Variants in NKAIN3 observed in about 807,000 individuals in gnomAD.
NKAIN3 encodes sodium/potassium transporting ATPase interacting 3.
In NKAIN3, 25 loss-of-function variants were observed where a neutral mutation model predicts 30.2. The ratio of observed to expected loss-of-function variants is 0.83; its 90% CI spans 0.60 to 1.16. The LOEUF is 1.16. Ranked by LOEUF, NKAIN3 falls within the 50% of genes most tolerant of loss-of-function variation. NKAIN3 has a pLI of 0.00. For missense variants in NKAIN3, 225 were observed against 254.1 expected (o/e 0.89, Z 0.78); for synonymous variants, 91 against 89.6 (o/e 1.02, Z -0.09).
At chr8:62,602,681 A>G (rs943673061) in intron 3 of NKAIN3, among the ~76,000 whole-genome samples, 2 of 152,070 alleles carry the variant, frequency 1.3e-5, no homozygotes, top group Admixed American at 6.6e-5. Flanking sequence ...AACAGGAGGT[A>G]GTGGGTCTTC....
chr8:62,300,086 C>T (rs192031201), intron 1 of NKAIN3, among the ~76,000 whole-genome samples: 2 of 151,840 alleles, frequency 1.3e-5, no homozygotes, highest in African/African-American at 2.4e-5. Flanking sequence ...TGTAACAGAT[C>T]GATACTGTTA....
intron 3 of NKAIN3, among the ~76,000 whole-genome samples, chr8:62,683,097 G>A (rs113809378): frequency 2.0e-5 from 3 of 152,124 alleles, no homozygotes; most frequent in African/African-American, 2.4e-5. Context: ...GCAGTGGAAC[G>A]ATCTCTGCTC....
chr8:62,591,611 G>A (rs770286723), intron 3 of NKAIN3, among the ~76,000 whole-genome samples: 1 of 151,650 alleles, frequency 6.6e-6, no homozygotes, highest in Non-Finnish European at 1.5e-5. Context: ...TCATTTCTTT[G>A]GGGACAAGGT....
chr8:62,864,949 C>G (rs1820373632), intron 4 of NKAIN3, among the ~76,000 whole-genome samples: 2 of 152,104 alleles, frequency 1.3e-5, no homozygotes, highest in Admixed American at 6.5e-5. Context: ...GGCATTTGAG[C>G]TGGCAATGGG....
chr8:62,406,752 T>G (rs1406238497), intron 1 of NKAIN3, among the ~76,000 whole-genome samples: 1 of 152,180 alleles, frequency 6.6e-6, no homozygotes, highest in Non-Finnish European at 1.5e-5. Context: ...ATTCCTCTAT[T>G]AGGTGTTCCT....
intron 5 of NKAIN3, among the ~76,000 whole-genome samples, chr8:62,995,565 A>G (rs1363978130): frequency 6.6e-6 from 1 of 152,170 alleles, no homozygotes; most frequent in Non-Finnish European, 1.5e-5. Flanking sequence ...ACTGATCTAT[A>G]TCATAAATGT....
In NKAIN3 at chr8:62,481,103, T is replaced by C. The variant is rs555671208; in HGVS notation, c.55-98436T>C. On this transcript the variant is annotated intron_variant, in intron 1 of 6. Transcript: ENST00000623646. The stretch of plus-strand genomic sequence containing the variant: ...TGTCATTTCATGTTTATTGATTGCC[T>C]TTGTCACATGTAATTCTAAATCCTC... Among the ~76,000 whole-genome samples, 258 of 152,330 alleles carry C rather than the reference T, an allele frequency of 1.7e-3. 4 individuals carry two copies. Among genetic ancestry groups the C allele is most frequent in the African/African-American group, 5.9e-3 (246 of 41,580 alleles).
Position 62,762,825 on chromosome 8 carries a change from T to C in NKAIN3, c.471+15696T>C, listed in dbSNP as rs531168129. The stretch of plus-strand genomic sequence containing the variant: ...AGATGACAGAGTTGAGAGATTTTGC[T>C]CCACTGGTAGCTTGTATCTTTTTTA... On this transcript the variant is annotated intron_variant, in intron 4 of 6. Coordinates refer to ENST00000623646, the MANE Select transcript of NKAIN3 (RefSeq NM_001304533.3). Among the ~76,000 whole-genome samples the C allele has an allele frequency of 3.9e-5, 6 of 152,170 alleles. No homozygotes were observed. In the South Asian group the frequency reaches 1.0e-3, roughly 26 times the overall value.
intron 5 of NKAIN3, among the ~76,000 whole-genome samples, chr8:62,935,478 A>AT (rs1289857933): frequency 5.9e-5 from 9 of 151,558 alleles, no homozygotes; most frequent in Non-Finnish European, 1.0e-4. Context: ...GTAAACTACA[A>AT]TTTTTTTTTC....
chr8:62,464,192 C>A (rs952144920), intron 1 of NKAIN3, among the ~76,000 whole-genome samples: 1 of 152,140 alleles, frequency 6.6e-6, no homozygotes, highest in Admixed American at 6.5e-5. Flanking sequence ...TGTGCAACCT[C>A]CCTGTAGCTC....
At chr8:62,512,924 A>G (rs1048916006) in intron 1 of NKAIN3, among the ~76,000 whole-genome samples, 4 of 152,154 alleles carry the variant, frequency 2.6e-5, no homozygotes, top group African/African-American at 7.2e-5. Context: ...CCCAACAAGT[A>G]TTTAGAAACA....
intron 1 of NKAIN3, among the ~76,000 whole-genome samples, chr8:62,337,638 A>G (rs1187029892): frequency 6.6e-6 from 1 of 151,978 alleles, no homozygotes; most frequent in East Asian, 1.9e-4. Context: ...GTGTACACAT[A>G]TACAAACAAC....
chr8:62,488,438 C>T (rs1806968650), intron 1 of NKAIN3, among the ~76,000 whole-genome samples: 1 of 152,148 alleles, frequency 6.6e-6, no homozygotes, highest in South Asian at 2.1e-4. Context: ...TGTTCATTGC[C>T]CCATCCCTAA....
intron 1 of NKAIN3, among the ~76,000 whole-genome samples, chr8:62,500,632 A>G (rs189020233): frequency 2.6e-5 from 4 of 152,142 alleles, no homozygotes; most frequent in Non-Finnish European, 4.4e-5. Context: ...TTCATCAAGG[A>G]GACAACACAT....
chr8:62,257,080 G>A (rs779626752), intron 1 of NKAIN3, among the ~76,000 whole-genome samples: 3 of 151,972 alleles, frequency 2.0e-5, no homozygotes, highest in Non-Finnish European at 4.4e-5. Context: ...ATCACCTCAC[G>A]TATCATTTTT....
intron 1 of NKAIN3, among the ~76,000 whole-genome samples, chr8:62,573,222 A>G (rs1054830136): frequency 6.6e-6 from 1 of 152,194 alleles, no homozygotes; most frequent in African/African-American, 2.4e-5. Flanking sequence ...TTTATTCAAT[A>G]ACCATACTGA....
chr8:62,256,919 G>A (rs1007178586), intron 1 of NKAIN3, among the ~76,000 whole-genome samples: 2 of 152,158 alleles, frequency 1.3e-5, no homozygotes, highest in African/African-American at 4.8e-5. Flanking sequence ...TTGTGAGGCT[G>A]ACGAATGTTC....
At chr8:62,369,896 C>T (rs537284211) in intron 1 of NKAIN3, among the ~76,000 whole-genome samples, 2 of 151,836 alleles carry the variant, frequency 1.3e-5, no homozygotes, top group South Asian at 4.2e-4. Flanking sequence ...AAACTTACTG[C>T]TTATGGCATT....
Position 62,728,835 on chromosome 8 carries a change from A to G in NKAIN3, c.274-18097A>G, listed in dbSNP as rs1414523748. On this transcript the variant is annotated intron_variant, in intron 3 of 6. Transcript: ENST00000623646. The stretch of plus-strand genomic sequence containing the variant: ...AAAACCCCGTTTTTACTAAAAATAG[A>G]AAAAATTAGCCAGGCGTGGTGGCGG... 4.6e-5 allele frequency among the ~76,000 whole-genome samples: 7 copies of G among 150,692 alleles called. No individual in the cohort carries two copies. In the South Asian group the frequency reaches 1.1e-3, roughly 23 times the overall value.
Sources: gnomAD v4.1 joint callset for allele counts (sites outside exome capture counted in the v4.1 genomes callset) on GRCh38, gnomAD v4.1.1 for gene constraint, MANE v1.5 for transcripts, NCBI Gene and HGNC (gene_info 2026-07-23, HGNC 2026-07-21) for gene names.